TRDN: variants seen among roughly 807,000 people sequenced by gnomAD.
The protein encoded by TRDN is triadin.
In TRDN, 161 loss-of-function variants were observed where a neutral mutation model predicts 149.7. The ratio of observed to expected loss-of-function variants is 1.08; its 90% CI spans 0.95 to 1.23. The LOEUF is 1.23. Among genes scored for constraint, TRDN ranks in the 50% most tolerant of loss-of-function variants. TRDN has a pLI of 0.00. For missense variants in TRDN, 896 were observed against 823.5 expected, an observed-to-expected ratio of 1.09 and a Z score of -1.08; for synonymous variants, 294 against 250.5, an observed-to-expected ratio of 1.17 and a Z score of -1.64.
intron 1 of TRDN, among the ~76,000 whole-genome samples, chr6:123,616,409 A>G (rs923611568): frequency 1.2e-4 from 18 of 152,064 alleles, no homozygotes; most frequent in Non-Finnish European, 2.4e-4. Context: ...AAAAAAATCA[A>G]ATGTTTTCTT....
chr6:123,254,846 C>A, intron 37 of TRDN: 1 of 364,312 alleles, frequency 2.7e-6, no homozygotes, highest in South Asian at 3.0e-5. Context: ...TGATGTGTAA[C>A]AGAATATTTG....
intron 38 of TRDN, among the ~76,000 whole-genome samples, chr6:123,248,797 A>G (rs1269941400): frequency 6.6e-6 from 1 of 152,134 alleles, no homozygotes; most frequent in Admixed American, 6.6e-5. Context: ...ACATAGAAAG[A>G]AAAACTTAAT....
intron 40 of TRDN, among the ~76,000 whole-genome samples, chr6:123,219,836 G>A (rs1440632935): frequency 6.6e-6 from 1 of 151,766 alleles, no homozygotes; most frequent in Non-Finnish European, 1.5e-5. Flanking sequence ...GCTACAAGAG[G>A]GACAGTAGTA....
intron 6 of TRDN, 63 bp from the exon 7 acceptor site, chr6:123,512,425 T>C (rs1399821164): frequency 2.0e-6 from 2 of 987,060 alleles, no homozygotes; most frequent in African/African-American, 1.6e-5. Flanking sequence ...AGCTTTCTTT[T>C]GACCTCAGTT....
rs548603369 is a variant in TRDN at position 123,431,453 on chromosome 6, A to C, written c.1051+6610T>G. Reference sequence around the variant, plus strand: ...ACTATCAAATATCCTGAAAAAATTTATCTAGATTTCAATGTCTAACAATAC... The same window carrying C: ...ACTATCAAATATCCTGAAAAAATTTCTCTAGATTTCAATGTCTAACAATAC... On this transcript the variant is annotated intron_variant, in intron 12 of 40. Transcript: ENST00000334268. 5.3e-5 allele frequency among the ~76,000 whole-genome samples: 8 copies of C among 152,322 alleles called. No homozygotes were observed. In the South Asian group the frequency reaches 1.7e-3, roughly 32 times the overall value.
At chr6:123,628,701 A>C (rs962941156) in intron 1 of TRDN, among the ~76,000 whole-genome samples, 4 of 152,160 alleles carry the variant, frequency 2.6e-5, no homozygotes, top group African/African-American at 9.6e-5. Context: ...TAATCTGTCC[A>C]GTCTTTATTC....
intron 24 of TRDN, among the ~76,000 whole-genome samples, chr6:123,310,669 T>C (rs1778785091): frequency 6.6e-6 from 1 of 151,938 alleles, no homozygotes; most frequent in African/African-American, 2.4e-5. Flanking sequence ...ATTTGGCTTT[T>C]TTTAAAATGT....
chr6:123,270,014 T>C, intron 30 of TRDN, 148 bp from the exon 31 acceptor site: 1 of 621,792 alleles, frequency 1.6e-6, no homozygotes, highest in Non-Finnish European at 2.6e-6. Flanking sequence ...ACTAATATTT[T>C]ACTGTCAGCA....
chr6:123,392,051 G>A (rs1052374110), intron 13 of TRDN, among the ~76,000 whole-genome samples: 1 of 152,098 alleles, frequency 6.6e-6, no homozygotes, highest in East Asian at 1.9e-4. Context: ...TTTAGTAAAC[G>A]CATACACAGA....
chr6:123,546,770 T>C (rs1039882538), intron 4 of TRDN, among the ~76,000 whole-genome samples: 4 of 152,024 alleles, frequency 2.6e-5, no homozygotes, highest in African/African-American at 9.7e-5. Context: ...AGTCACCTTA[T>C]CTATTCCTGC....
chr6:123,580,987 T>C (rs1783093956), intron 1 of TRDN, among the ~76,000 whole-genome samples: 1 of 152,180 alleles, frequency 6.6e-6, no homozygotes, highest in Non-Finnish European at 1.5e-5. Flanking sequence ...CCTAGGCTGG[T>C]CTCAAACCCC....
At chr6:123,379,714 C>T (rs1416005749) in intron 16 of TRDN, among the ~76,000 whole-genome samples, 1 of 152,014 alleles carries the variant, frequency 6.6e-6, no homozygotes, top group African/African-American at 2.4e-5. Context: ...ATTGAATTAC[C>T]TTAGTAAATA....
chr6:123,223,346 A>G (rs1478494607), intron 39 of TRDN, among the ~76,000 whole-genome samples: 1 of 151,782 alleles, frequency 6.6e-6, no homozygotes, highest in Non-Finnish European at 1.5e-5. Flanking sequence ...TGGCAGGATT[A>G]ATACCTGGGT....
intron 24 of TRDN, among the ~76,000 whole-genome samples, chr6:123,296,398 C>T (rs1778198742): frequency 6.6e-6 from 1 of 152,022 alleles, no homozygotes; most frequent in Non-Finnish European, 1.5e-5. Flanking sequence ...AATAAGAAGA[C>T]CATTAGGGGG....
chr6:123,635,097 C>T (rs1451615599), intron 1 of TRDN, among the ~76,000 whole-genome samples: 1 of 151,918 alleles, frequency 6.6e-6, no homozygotes, highest in Admixed American at 6.6e-5. Context: ...GGAGCCCAAA[C>T]CCTGAACAGA....
chr6:123,541,174 C>T (rs2114398379), intron 4 of TRDN, among the ~76,000 whole-genome samples: 1 of 152,256 alleles, frequency 6.6e-6, no homozygotes, highest in East Asian at 1.9e-4. Flanking sequence ...ATTATTCTTG[C>T]TCCAGAAGAA....
chr6:123,390,190 A>C (rs1413380780), intron 13 of TRDN, among the ~76,000 whole-genome samples: 1 of 152,128 alleles, frequency 6.6e-6, no homozygotes, highest in Non-Finnish European at 1.5e-5. Context: ...AACCTGACAA[A>C]GGCCTTGACC....
At chr6:123,267,274 A>T (rs148724671) in intron 32 of TRDN, among the ~76,000 whole-genome samples, 1 of 152,116 alleles carries the variant, frequency 6.6e-6, no homozygotes, top group East Asian at 1.9e-4. Context: ...TGACATTTTA[A>T]AAGAATTAAG....
intron 31 of TRDN, among the ~76,000 whole-genome samples, chr6:123,268,047 T>G (rs539922265): frequency 1.1e-4 from 17 of 152,220 alleles, no homozygotes; most frequent in African/African-American, 4.1e-4. Flanking sequence ...AAAAGGAGAA[T>G]AAGAATATTG....
Sources: gnomAD v4.1 joint callset for allele counts (sites outside exome capture counted in the v4.1 genomes callset) on GRCh38, gnomAD v4.1.1 for gene constraint, MANE v1.5 for transcripts, NCBI Gene and HGNC (gene_info 2026-07-23, HGNC 2026-07-21) for gene names.